The following PDE4B variants were observed in gnomAD, a reference collection of about 807,000 sequenced individuals.
PDE4B encodes phosphodiesterase 4B.
A neutral mutation model predicts 82.2 loss-of-function variants in PDE4B; 20 were observed. That is an observed-to-expected ratio of 0.24 (90% CI 0.17 to 0.35). The LOEUF is 0.35. Ranked by LOEUF, PDE4B falls within the 10% of genes least tolerant of loss-of-function variation. The pLI, the probability that PDE4B is intolerant of heterozygous loss-of-function variation, is 1.00. For missense variants in PDE4B, 655 were observed against 907.2 expected, an observed-to-expected ratio of 0.72 and a Z score of 3.57; for synonymous variants, 320 against 318.9, an observed-to-expected ratio of 1.00 and a Z score of -0.04.
chr1:66,203,870 C>T (rs543432980), intron 3 of PDE4B, among the ~76,000 whole-genome samples: 1 of 152,344 alleles, frequency 6.6e-6, no homozygotes, highest in South Asian at 2.1e-4. Flanking sequence ...CTCCGTCCAG[C>T]TTTGTTCCAT....
chr1:65,875,189 C>T (rs1027020437), intron 1 of PDE4B, among the ~76,000 whole-genome samples: 2 of 152,018 alleles, frequency 1.3e-5, no homozygotes, highest in African/African-American at 4.8e-5. Context: ...AGCCAAAAAA[C>T]ACATGAAAAA....
At chr1:65,852,286 A>G (rs1646340918) in intron 1 of PDE4B, among the ~76,000 whole-genome samples, 1 of 151,918 alleles carries the variant, frequency 6.6e-6, no homozygotes, top group East Asian at 1.9e-4. Flanking sequence ...TAGGATTGGC[A>G]TTATTTTTTA....
intron 6 of PDE4B, among the ~76,000 whole-genome samples, chr1:66,263,885 A>G (rs1444648697): frequency 6.6e-6 from 1 of 152,148 alleles, no homozygotes; most frequent in African/African-American, 2.4e-5. Context: ...GCACATATTC[A>G]AGGAAAAAGA....
chr1:66,319,651 G>A (rs1269719790), intron 7 of PDE4B, among the ~76,000 whole-genome samples: 5 of 152,192 alleles, frequency 3.3e-5, no homozygotes, highest in Admixed American at 6.5e-5. Flanking sequence ...GATTTGAGGT[G>A]AAGCCTGTAG....
chr1:66,192,321 A>G (rs1023897112), intron 3 of PDE4B, among the ~76,000 whole-genome samples: 2 of 152,150 alleles, frequency 1.3e-5, no homozygotes, highest in Non-Finnish European at 2.9e-5. Context: ...TAAAAAAACC[A>G]TTTGGTAATC....
intron 3 of PDE4B, among the ~76,000 whole-genome samples, chr1:66,160,113 G>A (rs1302528875): frequency 6.6e-6 from 1 of 152,136 alleles, no homozygotes; most frequent in African/African-American, 2.4e-5. Context: ...GGTGTTAAAA[G>A]GGGAAAATTG....
intron 3 of PDE4B, among the ~76,000 whole-genome samples, chr1:66,041,737 C>T (rs1219544901): frequency 6.6e-6 from 1 of 151,298 alleles, no homozygotes. Flanking sequence ...TTTTCCTGCT[C>T]CTCTCTTTCT....
chr1:65,904,637 C>T (rs1557808915), intron 1 of PDE4B, among the ~76,000 whole-genome samples: 1 of 152,100 alleles, frequency 6.6e-6, no homozygotes, highest in Non-Finnish European at 1.5e-5. Context: ...ATCCTATTTG[C>T]TGCTTGTTCT....
intron 3 of PDE4B, among the ~76,000 whole-genome samples, chr1:66,107,917 A>G (rs17421629): frequency 0.062 from 9,461 of 152,040 alleles, 424 homozygotes; most frequent in South Asian, 0.17. Context: ...TGATGAAATT[A>G]GACTTAAGAT....
At chr1:66,263,523 C>T (rs986225430) in intron 6 of PDE4B, among the ~76,000 whole-genome samples, 1 of 152,178 alleles carries the variant, frequency 6.6e-6, no homozygotes, top group Non-Finnish European at 1.5e-5. Context: ...ATTCTATTAA[C>T]ATTTTGGAGT....
At chr1:66,233,523 C>T (rs114781802) in intron 3 of PDE4B, among the ~76,000 whole-genome samples, 2,779 of 152,050 alleles carry the variant, frequency 0.018, 84 homozygotes, top group African/African-American at 0.064. Context: ...CATTGTCTTT[C>T]CTTATTGCAC....
At chr1:66,268,667 C>CAAAAAA (rs36046564) in intron 7 of PDE4B, among the ~76,000 whole-genome samples, 26 of 61,182 alleles carry the variant, frequency 4.2e-4, no homozygotes, top group Admixed American at 1.2e-3. Flanking sequence ...GACTCCATCT[C>CAAAAAA]AAAAAAAAAA....
intron 3 of PDE4B, among the ~76,000 whole-genome samples, chr1:66,022,755 G>A (rs1485803398): frequency 2.6e-5 from 4 of 152,158 alleles, no homozygotes; most frequent in African/African-American, 9.7e-5. Flanking sequence ...CAGGGATATT[G>A]ATCTAAAATT....
At chr1:66,119,289 C>T (rs1306987995) in intron 3 of PDE4B, among the ~76,000 whole-genome samples, 1 of 152,124 alleles carries the variant, frequency 6.6e-6, no homozygotes. Context: ...GGTGTGTTTT[C>T]CACTGTGATT....
intron 3 of PDE4B, among the ~76,000 whole-genome samples, chr1:66,224,720 AAATAAT>A (rs976859377): frequency 2.6e-5 from 4 of 151,984 alleles, no homozygotes; most frequent in Non-Finnish European, 5.9e-5. Flanking sequence ...TCTGCCTCAA[AAATAAT>A]AATAATAATA....
chr1:66,355,041 T>A, intron 8 of PDE4B: 1 of 642,706 alleles, frequency 1.6e-6, no homozygotes, highest in Middle Eastern at 4.1e-4. Flanking sequence ...AATAAGAGCA[T>A]GTTATATTAC....
intron 1 of PDE4B, among the ~76,000 whole-genome samples, chr1:65,806,476 A>C (rs751222890): frequency 7.2e-5 from 11 of 152,212 alleles, no homozygotes; most frequent in Non-Finnish European, 1.3e-4. Flanking sequence ...ATAACAAAAG[A>C]ACACATACTA....
intron 3 of PDE4B, 54 bp downstream of exon 3, chr1:65,918,889 C>G: frequency 9.2e-7 from 1 of 1,087,148 alleles, no homozygotes; most frequent in East Asian, 2.4e-5. Flanking sequence ...TCCAATTTCT[C>G]CAAATACAAT....
intron 1 of PDE4B, among the ~76,000 whole-genome samples, chr1:65,902,840 A>G (rs1322756875): frequency 6.6e-6 from 1 of 152,206 alleles, no homozygotes; most frequent in African/African-American, 2.4e-5. Context: ...TCCAATATAT[A>G]AATAAGCTTT....
Sources: gnomAD v4.1 joint callset for allele counts (sites outside exome capture counted in the v4.1 genomes callset) on GRCh38, gnomAD v4.1.1 for gene constraint, MANE v1.5 for transcripts, NCBI Gene and HGNC (gene_info 2026-07-23, HGNC 2026-07-21) for gene names.